PDE2A: variants seen among roughly 807,000 people sequenced by gnomAD.
The protein encoded by PDE2A is phosphodiesterase 2A.
A neutral mutation model predicts 133.6 loss-of-function variants in PDE2A; 53 were observed. The ratio of observed to expected loss-of-function variants is 0.40; its 90% CI spans 0.32 to 0.50. The LOEUF is 0.50. Among genes scored for constraint, PDE2A ranks in the 20% least tolerant of loss-of-function variants. PDE2A has a pLI of 0.73. For synonymous variants in PDE2A, 491 were observed against 490.2 expected, an observed-to-expected ratio of 1.00 and a Z score of -0.02; for missense variants, 796 against 1,232.4, an observed-to-expected ratio of 0.65 and a Z score of 5.30.
intron 2 of PDE2A, among the ~76,000 whole-genome samples, chr11:72,640,291 T>C (rs1455984688): frequency 6.6e-6 from 1 of 151,472 alleles, no homozygotes; most frequent in African/African-American, 2.4e-5. Context: ...CCTGCATAGA[T>C]AATGTGCACA....
intron 1 of PDE2A, among the ~76,000 whole-genome samples, chr11:72,671,847 A>G (rs1855392644): frequency 6.6e-6 from 1 of 152,016 alleles, no homozygotes; most frequent in Non-Finnish European, 1.5e-5. Flanking sequence ...TCTGCATCCT[A>G]GCTAGAAACA....
rs118002040 is a variant in PDE2A at position 72,617,435 on chromosome 11, C to T, written c.145-8684G>A. On this transcript the variant is annotated intron_variant, in intron 2 of 30. Transcript: ENST00000334456. Reference sequence around the variant, plus strand: ...CTGGGGCTCTCCCTGACTGTCCCAGCGTGTTTTCTCCCTGCCTCTCAGCCT... The same window carrying T: ...CTGGGGCTCTCCCTGACTGTCCCAGTGTGTTTTCTCCCTGCCTCTCAGCCT... Among the ~76,000 whole-genome samples, 20 of 152,316 alleles carry T rather than the reference C, an allele frequency of 1.3e-4. No individual in the cohort carries two copies. The East Asian group carries it at 3.7e-3, about 28-fold the overall frequency.
At chr11:72,591,811 A>G (rs1240731896) in intron 6 of PDE2A, among the ~76,000 whole-genome samples, 2 of 152,226 alleles carry the variant, frequency 1.3e-5, no homozygotes, top group Non-Finnish European at 2.9e-5. Flanking sequence ...TGCACCTGCC[A>G]TGGTGAGGAT....
intron 18 of PDE2A, 76 bp downstream of exon 18, chr11:72,584,475 T>A: frequency 6.8e-7 from 1 of 1,480,348 alleles, no homozygotes; most frequent in Non-Finnish European, 9.2e-7. Flanking sequence ...GGTGGGGAAG[T>A]GTTGCCACCC....
chr11:72,633,394 G>T (rs542597166), intron 2 of PDE2A, among the ~76,000 whole-genome samples: 6 of 152,308 alleles, frequency 3.9e-5, no homozygotes, highest in Admixed American at 3.3e-4. Context: ...CTGAAGGGGG[G>T]ACTCAGCCTT....
In PDE2A at chr11:72,580,969, T is replaced by A. The variant is rs1286667535; in HGVS notation, c.2050A>T (p.Ile684Phe). ...NLELTNYLEDIEIFALFISCM... is the reference protein window; with the variant it reads ...NLELTNYLEDFEIFALFISCM... ...GAAATAAACAAGGCAAAGATCTCGA[T>A]GTCCCTGGTTGAGAGGCAGAAAGGA... Residue 684 changes from isoleucine to phenylalanine, a missense_variant, in exon 24 of 31, where the codon ATC becomes TTC. Physicochemically the swap from Ile to Phe is conservative, Grantham distance 21 (BLOSUM62 0). This residue lies in a region of PDE2A where 218 missense variants were observed against 465.9 expected (regional missense o/e 0.47). Coordinates refer to ENST00000334456, the MANE Select transcript of PDE2A (RefSeq NM_002599.5). The A allele has an allele frequency of 1.2e-6, 2 of 1,608,686 alleles. No homozygotes were observed. The highest frequency in any genetic ancestry group is 1.3e-5 in the African/African-American group (1 of 74,880).
Position 72,585,378 on chromosome 11 carries a change from C to T in PDE2A, c.1279G>A (p.Ala427Thr), listed in dbSNP as rs1246295825. The T allele has an allele frequency of 6.2e-7, 1 of 1,613,770 alleles. No individual in the cohort carries two copies. Among genetic ancestry groups the T allele is most frequent in the Non-Finnish European group, 8.5e-7 (1 of 1,179,734 alleles). ...IITEARNLSN[A>T]EICSVFLLDQ... ...CTGGGTAGAGTCACTCACATCTCTG[C>T]GTTGCTGAGGTTTCTGGCCTCCGTG... The change falls in exon 16 of 31, where the codon GCA (alanine) becomes ACA (threonine). Residue 427 changes from alanine to threonine, a missense_variant. By Grantham distance (58) the Ala-to-Thr change is moderately conservative. This residue lies in a region of PDE2A where 31 missense variants were observed against 70.2 expected (regional missense o/e 0.44). Transcript: ENST00000334456.
intron 4 of PDE2A, chr11:72,598,726 G>C (rs1856598000): frequency 4.7e-6 from 6 of 1,268,770 alleles, no homozygotes; most frequent in South Asian, 1.3e-5. Context: ...CACTAGGTCA[G>C]AGACTCTAGA....
rs1195161140 is a variant in PDE2A, at chr11:72,590,483, T to C, written c.647A>G (p.Asp216Gly). Residue 216 changes from aspartate (D) to glycine (G), a missense_variant, in exon 8 of 31, where the codon GAC becomes GGC. Transcript: ENST00000334456. This position sits in a 1 kb window ranked among gnomAD's most constrained non-coding sequence, Gnocchi z 4.8. Reference protein sequence around the residue: ...VQNPPEGTAEDQKGGAAYTDR... With the variant: ...VQNPPEGTAEGQKGGAAYTDR... ...GGTGTACGCCGCCCCGCCCTTCTGGTCTTCCGCCGTCCCCTCCGGGGGGTT... is the reference window on the plus strand; with the variant it reads ...GGTGTACGCCGCCCCGCCCTTCTGGCCTTCCGCCGTCCCCTCCGGGGGGTT... 22 of 1,527,574 alleles carry C rather than the reference T, an allele frequency of 1.4e-5. No homozygotes were observed. Among genetic ancestry groups the C allele is most frequent in the Non-Finnish European group, 1.8e-5 (21 of 1,141,516 alleles). The allele number at this position is 1,527,574 out of a possible 1,614,324, so 94.6% of individuals were successfully genotyped here.
At chr11:72,614,580 A>C (rs1437950835) in intron 2 of PDE2A, among the ~76,000 whole-genome samples, 2 of 152,198 alleles carry the variant, frequency 1.3e-5, no homozygotes, top group African/African-American at 4.8e-5. Flanking sequence ...TTTCTGATAC[A>C]GTAGGTCTGG....
At chr11:72,660,286 T>C (rs750843011) in intron 1 of PDE2A, among the ~76,000 whole-genome samples, 2 of 152,110 alleles carry the variant, frequency 1.3e-5, no homozygotes, top group Non-Finnish European at 2.9e-5. Flanking sequence ...CCCCACCTTC[T>C]AAGCCCCCAC....
At chr11:72,651,908 G>C (rs1215055872) in intron 1 of PDE2A, among the ~76,000 whole-genome samples, 1 of 152,194 alleles carries the variant, frequency 6.6e-6, no homozygotes, top group African/African-American at 2.4e-5. Flanking sequence ...GGCCTGAAAA[G>C]AGGGAAGAGC....
chr11:72,647,386 C>T (rs1378647958), intron 1 of PDE2A, among the ~76,000 whole-genome samples: 1 of 152,202 alleles, frequency 6.6e-6, no homozygotes, highest in Non-Finnish European at 1.5e-5. Flanking sequence ...GCTTGGCCTG[C>T]TTCTCTTTGA....
At chr11:72,655,801 G>C (rs569947941) in intron 1 of PDE2A, among the ~76,000 whole-genome samples, 1 of 152,224 alleles carries the variant, frequency 6.6e-6, no homozygotes, top group Non-Finnish European at 1.5e-5. Context: ...GCCTGTGTGT[G>C]CATGTGCACG....
At chr11:72,598,737 C>G in intron 4 of PDE2A, 1 of 1,248,620 alleles carries the variant, frequency 8.0e-7, no homozygotes, top group Non-Finnish European at 1.0e-6. Flanking sequence ...AGACTCTAGA[C>G]AAATCGAGGA....
intron 2 of PDE2A, chr11:72,631,022 C>T: frequency 7.2e-7 from 1 of 1,390,464 alleles, no homozygotes. Context: ...GACTGATCTT[C>T]AGTCTGCGCC....
chr11:72,621,911 A>G (rs757157046), intron 2 of PDE2A: 3 of 152,240 alleles, frequency 2.0e-5, no homozygotes, highest in Non-Finnish European at 4.4e-5. Flanking sequence ...GCAACCTATG[A>G]AATGGGAGAA....
chr11:72,590,604 G>T lies in PDE2A; in HGVS notation c.550-24C>A. On this transcript the variant is annotated intron_variant, in intron 7 of 30. Coordinates refer to ENST00000334456, the MANE Select transcript of PDE2A (RefSeq NM_002599.5). This position sits in a 1 kb window ranked among gnomAD's most constrained non-coding sequence, Gnocchi z 4.8. ...GTCTGGGGCAGGCCGAGCGGTTAGC[G>T]CGCCGCTCGCCCCAAGCTCGCTGCG... The T allele has an allele frequency of 7.4e-7, 1 of 1,351,228 alleles. No individual in the cohort carries two copies. Among genetic ancestry groups the T allele is most frequent in the Non-Finnish European group, 9.5e-7 (1 of 1,057,318 alleles). The allele number at this position is 1,351,228 out of a possible 1,614,324, so 83.7% of individuals were successfully genotyped here.
chr11:72,579,093 G>C, intron 27 of PDE2A, 84 bp from the exon 28 acceptor site: 1 of 1,125,652 alleles, frequency 8.9e-7, no homozygotes, highest in Non-Finnish European at 1.3e-6. Flanking sequence ...CCAACCCAGA[G>C]CGGTCCAGGG....
Sources: allele counts gnomAD v4.1 joint callset (sites outside exome capture counted in the v4.1 genomes callset), GRCh38; gene constraint gnomAD v4.1.1; regional missense constraint gnomAD v4.1.1; non-coding constraint Gnocchi (gnomAD v3.1); transcripts MANE v1.5; gene names NCBI Gene and HGNC (gene_info 2026-07-23, HGNC 2026-07-21).